Variants in SPEN observed in about 807,000 individuals in gnomAD.
The protein encoded by SPEN is spen family transcriptional repressor, also known as msx2-interacting protein.
In SPEN, 18 loss-of-function variants were observed where a neutral mutation model predicts 269.9. The ratio of observed to expected loss-of-function variants is 0.07; its 90% CI spans 0.05 to 0.10. The LOEUF (loss-of-function observed/expected upper bound fraction) is 0.10. SPEN is among the 10% of genes least tolerant of loss of function. The pLI is 1.00. For synonymous variants in SPEN, 1,726 were observed against 1,765.7 expected, an observed-to-expected ratio of 0.98 and a Z score of 0.56; for missense variants, 3,822 against 4,631.2, an observed-to-expected ratio of 0.83 and a Z score of 5.07.
intron 3 of SPEN, among the ~76,000 whole-genome samples, chr1:15,889,305 G>A (rs1032052182): frequency 2.6e-5 from 4 of 151,432 alleles, no homozygotes; most frequent in African/African-American, 9.7e-5. Flanking sequence ...AGCTGGGATT[G>A]CAGGCATGTG....
In SPEN at chr1:15,847,884, T is replaced by C. The variant is rs963387164; in HGVS notation, c.-184T>C. The C allele has an allele frequency of 1.4e-5, 4 of 286,630 alleles. No individual in the cohort carries two copies. Among genetic ancestry groups the C allele is most frequent in the African/African-American group, 4.5e-5 (2 of 44,684 alleles). 17.8% of individuals were successfully genotyped at this position (286,630 alleles called of 1,614,324 possible). A position where few individuals can be genotyped will look rare whatever the true frequency, so the allele number is the denominator to read the frequency against. ...AGAGCTGAGCTGCGAGGCCCGAGAG[T>C]CAGAACCTGGGGGAGAGGGATGGTC... On this transcript the variant is annotated 5_prime_UTR_variant, in exon 1 of 15. Transcript: ENST00000375759.
Position 15,936,241 on chromosome 1 carries a change from C to T in SPEN, c.10001C>T (p.Pro3334Leu), listed in dbSNP as rs1421813464. Residue 3334 changes from proline (P) to leucine (L), a missense_variant, in exon 11 of 15, where the codon CCT becomes CTT. Pro to Leu is a moderately conservative substitution (Grantham distance 98, BLOSUM62 -3). Transcript: ENST00000375759. ...CCCGCCGCTTCCTCTGTTGGCCTGC[C>T]TTCCCGGACCAAGACAGCTGCTCAG... is the stretch of plus-strand genomic sequence containing the variant. ...QFPAASSVGL[P>L]SRTKTAAQGP... 1.3e-6 allele frequency: 2 copies of T among 1,554,054 alleles called. No homozygotes were observed. Among genetic ancestry groups the T allele is most frequent in the African/African-American group, 2.7e-5 (2 of 74,052 alleles).
rs538731083 is a variant in SPEN, at chr1:15,937,426, C to T, written c.10290C>T (p.Ser3430=). ...QRAQAETGPT[S]FPSPVSVSMK... ...CACAAGCAGAAACAGGCCCGACTTC[C>T]TTCCCCTCCCCTGTGTCTGTCTCCA... Residue 3430 remains serine, a synonymous_variant, in exon 12 of 15, where the codon TCC becomes TCT. Transcript: ENST00000375759. The surrounding 1 kb of genome is among the most constrained non-coding windows in gnomAD (Gnocchi z 5.7). 1 of 1,613,764 alleles carries T rather than the reference C, an allele frequency of 6.2e-7. No homozygotes were observed. Among genetic ancestry groups the T allele is most frequent in the East Asian group, 2.2e-5 (1 of 44,866 alleles).
At position 15,934,726 on chromosome 1, in the gene SPEN, G is replaced by A. The variant is rs1298693905; in HGVS notation, c.8486G>A (p.Arg2829Gln). 3.1e-6 allele frequency: 5 copies of A among 1,614,042 alleles called. No homozygotes were observed. The highest frequency in any genetic ancestry group is 8.5e-7 in the Non-Finnish European group (1 of 1,180,030). ...GGGCAGAAGACCGAAGGCCCACAGC[G>A]GATCAGCGCCAAGATCAGCCAGATC... is the stretch of plus-strand genomic sequence containing the variant. ...YSGQKTEGPQ[R>Q]ISAKISQIPP... The change falls in exon 11 of 15, where the codon CGG becomes CAG. Residue 2829 changes from arginine (R) to glutamine (Q), a missense_variant. Physicochemically the swap from Arg to Gln is conservative, Grantham distance 43 (BLOSUM62 1). Coordinates refer to ENST00000375759, the MANE Select transcript of SPEN (RefSeq NM_015001.3). The surrounding 1 kb of genome is among the most constrained non-coding windows in gnomAD (Gnocchi z 9.2).
At chr1:15,867,712 C>CT (rs796378051) in intron 1 of SPEN, among the ~76,000 whole-genome samples, 6,168 of 138,004 alleles carry the variant, frequency 0.045, 154 homozygotes, top group Non-Finnish European at 0.062. Flanking sequence ...TTGTCATTGC[C>CT]TTTTTTTTTT....
At chr1:15,861,922 A>G (rs2070452743) in intron 1 of SPEN, among the ~76,000 whole-genome samples, 1 of 152,142 alleles carries the variant, frequency 6.6e-6, no homozygotes, top group South Asian at 2.1e-4. Context: ...CATGCCTGTA[A>G]TCACAGCTAC....
intron 3 of SPEN, among the ~76,000 whole-genome samples, chr1:15,877,798 G>A (rs958129645): frequency 1.4e-5 from 2 of 139,932 alleles, no homozygotes; most frequent in Admixed American, 7.6e-5. Context: ...AGGCTGGAGT[G>A]CAATGGCGTG....
At position 15,930,441 on chromosome 1, in the gene SPEN, A is replaced by G. The variant is rs1213107603; in HGVS notation, c.4201A>G (p.Ser1401Gly). 3 of 1,614,204 alleles carry G rather than the reference A, an allele frequency of 1.9e-6. No homozygotes were observed. The highest frequency in any genetic ancestry group is 3.3e-4 in the Middle Eastern group (2 of 6,062). Residue 1401 changes from serine to glycine, a missense_variant, in exon 11 of 15, where the codon AGT becomes GGT. By Grantham distance (56) the Ser-to-Gly change is moderately conservative. Around this residue, in one of 16 missense-constraint regions of SPEN, gnomAD observed 267 missense variants for 315.5 expected, o/e 0.85. Coordinates refer to ENST00000375759, the MANE Select transcript of SPEN (RefSeq NM_015001.3). This position sits in a 1 kb window ranked among gnomAD's most constrained non-coding sequence, Gnocchi z 5.3. Reference protein sequence around the residue: ...HSPRASALYESSRLSFLLRDR... With the variant: ...HSPRASALYEGSRLSFLLRDR... ...ACCCAGAGCCTCTGCATTATATGAA[A>G]GTTCTCGATTGTCTTTTTTATTGAG... is the stretch of plus-strand genomic sequence containing the variant.
intron 1 of SPEN, among the ~76,000 whole-genome samples, chr1:15,851,436 A>G (rs2070334019): frequency 6.6e-6 from 1 of 152,196 alleles, no homozygotes; most frequent in Non-Finnish European, 1.5e-5. Context: ...TTTGTATGTT[A>G]GCTGGGTTGA....
intron 1 of SPEN, among the ~76,000 whole-genome samples, chr1:15,854,906 C>T (rs563657576): frequency 6.6e-6 from 1 of 152,122 alleles, no homozygotes; most frequent in Non-Finnish European, 1.5e-5. Context: ...GTTCTCCCTA[C>T]ATGTATTCCT....
At chr1:15,886,062 C>T (rs989784855) in intron 3 of SPEN, among the ~76,000 whole-genome samples, 2 of 152,154 alleles carry the variant, frequency 1.3e-5, no homozygotes, top group African/African-American at 4.8e-5. Flanking sequence ...GTAAATAGGT[C>T]TGTTTCCTTT....
In SPEN at chr1:15,933,235, G is replaced by A. The variant is rs764509266; in HGVS notation, c.6995G>A (p.Arg2332His). 8 of 1,614,128 alleles carry A rather than the reference G, an allele frequency of 5.0e-6. No homozygotes were observed. Among genetic ancestry groups the A allele is most frequent in the East Asian group, 2.2e-5 (1 of 44,874 alleles). ...ACTCTTGTTCGGAAAGACAAAGGGC[G>A]CCAGAAAACAACCCGATCACGCCGC... The part of the protein sequence containing the change: ...EVTLVRKDKG[R>H]QKTTRSRRKR... Residue 2332 changes from arginine to histidine, a missense_variant, in exon 11 of 15, where the codon CGC (arginine) becomes CAC (histidine). Arg to His is a conservative substitution (Grantham distance 29). This residue lies in a region of SPEN where 727 missense variants were observed against 737.9 expected (regional missense o/e 0.99). Coordinates refer to ENST00000375759, the MANE Select transcript of SPEN (RefSeq NM_015001.3). The surrounding 1 kb of genome is among the most constrained non-coding windows in gnomAD (Gnocchi z 5.7).
In SPEN at chr1:15,930,068, A is replaced by G. The variant is rs894471689; in HGVS notation, c.3828A>G (p.Ile1276Met). The change falls in exon 11 of 15, where the codon ATA becomes ATG. Residue 1276 changes from isoleucine to methionine, a missense_variant. Transcript: ENST00000375759. The surrounding 1 kb of genome is among the most constrained non-coding windows in gnomAD (Gnocchi z 5.3). Reference protein sequence around the residue: ...HGSFHEDEDPIGSPRLLSVKG... With the variant: ...HGSFHEDEDPMGSPRLLSVKG... ...CCTTCCATGAAGATGAGGATCCCAT[A>G]GGCTCCCCTAGGCTACTGTCAGTAA... 4 of 1,614,084 alleles carry G rather than the reference A, an allele frequency of 2.5e-6. No individual in the cohort carries two copies. The African/African-American group carries it at 5.3e-5, about 22-fold the overall frequency.
chr1:15,851,294 T>A (rs2070332753), intron 1 of SPEN, among the ~76,000 whole-genome samples: 1 of 152,212 alleles, frequency 6.6e-6, no homozygotes, highest in Non-Finnish European at 1.5e-5. Flanking sequence ...TTTCTTGCAA[T>A]AATAATAAAT....
intron 5 of SPEN, among the ~76,000 whole-genome samples, chr1:15,911,834 G>A (rs1235344586): frequency 3.3e-5 from 5 of 152,304 alleles, no homozygotes; most frequent in South Asian, 2.1e-4. Context: ...GGTGGCGCAC[G>A]CCTGTAATCC....
intron 1 of SPEN, among the ~76,000 whole-genome samples, chr1:15,871,964 G>A (rs1477140786): frequency 1.3e-5 from 2 of 152,118 alleles, no homozygotes; most frequent in African/African-American, 4.8e-5. Context: ...GCCGGGTGCT[G>A]TGGCTCATAC....
chr1:15,870,938 G>A (rs1257923738), intron 1 of SPEN, among the ~76,000 whole-genome samples: 2 of 152,132 alleles, frequency 1.3e-5, no homozygotes, highest in Non-Finnish European at 2.9e-5. Context: ...TGAGGCTAGG[G>A]ATCTATGTTT....
Position 15,928,701 on chromosome 1 carries a change from A to C in SPEN, c.2461A>C (p.Lys821Gln). 1 of 1,614,114 alleles carries C rather than the reference A, an allele frequency of 6.2e-7. No individual in the cohort carries two copies. Among genetic ancestry groups the C allele is most frequent in the South Asian group, 1.1e-5 (1 of 91,082 alleles). Reference protein sequence around the residue: ...KEKVEKDKTDKQKRKGKVHSP... With the variant: ...KEKVEKDKTDQQKRKGKVHSP... ...AAAAGTGGAAAAGGACAAAACTGACAAGCAGAAACGCAAAGGAAAGGTTCA... is the reference window on the plus strand; with the variant it reads ...AAAAGTGGAAAAGGACAAAACTGACCAGCAGAAACGCAAAGGAAAGGTTCA... The change falls in exon 11 of 15, where the codon AAG (lysine) becomes CAG (glutamine). Residue 821 changes from lysine (K) to glutamine (Q), a missense_variant. Coordinates refer to ENST00000375759, the MANE Select transcript of SPEN (RefSeq NM_015001.3). This position sits in a 1 kb window ranked among gnomAD's most constrained non-coding sequence, Gnocchi z 5.7.
intron 3 of SPEN, among the ~76,000 whole-genome samples, chr1:15,892,071 A>C (rs139816002): frequency 0.061 from 7,249 of 119,164 alleles, 274 homozygotes; most frequent in Non-Finnish European, 0.083. Flanking sequence ...CCCAGGCTGG[A>C]GTGCAGTGGC....
Sources: gnomAD v4.1 joint callset for allele counts (sites outside exome capture counted in the v4.1 genomes callset) on GRCh38, gnomAD v4.1.1 for gene constraint, gnomAD v4.1.1 regional missense constraint, Gnocchi (gnomAD v3.1) non-coding constraint, MANE v1.5 for transcripts, NCBI Gene and HGNC (gene_info 2026-07-23, HGNC 2026-07-21) for gene names.